Variants in DNAH7 observed in about 807,000 individuals in gnomAD.
DNAH7 encodes dynein axonemal heavy chain 7.
A neutral mutation model predicts 444.6 loss-of-function variants in DNAH7; 397 were observed. The ratio of observed to expected loss-of-function variants is 0.89; its 90% confidence interval spans 0.82 to 0.97. The LOEUF (loss-of-function observed/expected upper bound fraction) is 0.97, where lower values mean the gene tolerates loss of function less well. Among genes scored for constraint, DNAH7 ranks in the 50% least tolerant of loss-of-function variants. The pLI, the probability that DNAH7 is intolerant of heterozygous loss-of-function variation, is 0.00. For synonymous variants in DNAH7, 1,636 were observed against 1,624.4 expected (o/e 1.01, Z -0.17); for missense variants, 4,902 against 4,800.8 (o/e 1.02, Z -0.62).
At chr2:195,903,172 G>C (rs989689774) in intron 27 of DNAH7, 1 of 152,072 alleles carries the variant, frequency 6.6e-6, no homozygotes, top group South Asian at 2.1e-4. Flanking sequence ...TGGAGGAAGG[G>C]GGGTGGTACA....
At chr2:195,930,180 T>C (rs1453732754) in intron 21 of DNAH7, among the ~76,000 whole-genome samples, 1 of 152,072 alleles carries the variant, frequency 6.6e-6, no homozygotes, top group Non-Finnish European at 1.5e-5. Context: ...ACGTCTCTAC[T>C]AAAAATACAA....
chr2:195,803,900 T>C (rs1300153882), intron 54 of DNAH7, among the ~76,000 whole-genome samples: 2 of 152,204 alleles, frequency 1.3e-5, no homozygotes, highest in East Asian at 1.9e-4. Flanking sequence ...AATAAAACAC[T>C]ATAAACTATT....
At chr2:195,885,584 A>T (rs563795382) in intron 34 of DNAH7, among the ~76,000 whole-genome samples, 1 of 152,212 alleles carries the variant, frequency 6.6e-6, no homozygotes, top group Non-Finnish European at 1.5e-5. Context: ...ACCACAGTAG[A>T]AGTGCTACCA....
intron 15 of DNAH7, among the ~76,000 whole-genome samples, chr2:195,976,153 T>C (rs960064018): frequency 6.6e-6 from 1 of 151,788 alleles, no homozygotes; most frequent in African/African-American, 2.4e-5. Flanking sequence ...GCCTTGGCTG[T>C]TAGGAGGAAT....
chr2:195,778,626 A>AAG (rs1695192599), intron 58 of DNAH7, among the ~76,000 whole-genome samples: 1 of 45,338 alleles, frequency 2.2e-5, no homozygotes, highest in Non-Finnish European at 3.9e-5. Flanking sequence ...CTGAAAAAAA[A>AAG]AAAAAATAAA....
At chr2:195,994,010 G>A (rs1693527687) in intron 12 of DNAH7, among the ~76,000 whole-genome samples, 1 of 152,230 alleles carries the variant, frequency 6.6e-6, no homozygotes, top group African/African-American at 2.4e-5. Context: ...TTATCCAGGA[G>A]ATCATGGAGC....
intron 5 of DNAH7, among the ~76,000 whole-genome samples, chr2:196,045,161 A>AAGG (rs1419962335): frequency 2.7e-5 from 4 of 145,948 alleles, no homozygotes; most frequent in Non-Finnish European, 3.0e-5. Context: ...GGAGGAGAAG[A>AAGG]AGGAGGAGGA....
Position 195,747,669 on chromosome 2 carries a change from G to A in DNAH7, c.11764+6668C>T, listed in dbSNP as rs571264424. 2.7e-3 allele frequency among the ~76,000 whole-genome samples: 406 copies of A among 152,278 alleles called. 2 individuals carry two copies. The highest frequency in any genetic ancestry group is 9.4e-3 in the African/African-American group (392 of 41,550). On this transcript the variant is annotated intron_variant, in intron 63 of 64. Coordinates refer to ENST00000312428, the MANE Select transcript of DNAH7 (RefSeq NM_018897.3). ...AGTGGGCTTCATCCCTGGGATGCAA[G>A]GCTGGTTCCATATATGCAAATCAAT...
intron 46 of DNAH7, among the ~76,000 whole-genome samples, chr2:195,850,504 C>T (rs914407965): frequency 1.3e-5 from 2 of 152,142 alleles, no homozygotes; most frequent in South Asian, 4.1e-4. Flanking sequence ...ACAGGCATTG[C>T]AGTTGAGAGC....
chr2:196,017,215 A>G (rs186622050), intron 9 of DNAH7, among the ~76,000 whole-genome samples: 3 of 152,250 alleles, frequency 2.0e-5, no homozygotes, highest in Admixed American at 6.5e-5. Flanking sequence ...AGGTTTCACC[A>G]TCTTCGGCAG....
chr2:195,806,559 G>T (rs907048185), intron 54 of DNAH7, among the ~76,000 whole-genome samples, 181 bp downstream of exon 54: 1 of 152,132 alleles, frequency 6.6e-6, no homozygotes, highest in East Asian at 1.9e-4. Flanking sequence ...TACTGATTTA[G>T]GATGGTTTTA....
chr2:196,002,137 T>C (rs1694073861), intron 10 of DNAH7, among the ~76,000 whole-genome samples: 1 of 152,184 alleles, frequency 6.6e-6, no homozygotes, highest in Admixed American at 6.5e-5. Context: ...TTTAAAGAAA[T>C]ATAGAACTAA....
At chr2:195,957,172 G>A in intron 19 of DNAH7, 89 bp downstream of exon 19, 1 of 1,127,030 alleles carries the variant, frequency 8.9e-7, no homozygotes, top group Non-Finnish European at 1.2e-6. Context: ...TGGCTTATTG[G>A]AAACAATAAT....
At chr2:196,051,056 AC>A in intron 3 of DNAH7, 130 bp downstream of exon 3, 2 of 768,126 alleles carry the variant, frequency 2.6e-6, no homozygotes, top group Non-Finnish European at 4.5e-6. Context: ...TAATATGCAC[AC>A]CTCATAGAAT....
intron 47 of DNAH7, among the ~76,000 whole-genome samples, chr2:195,836,634 A>G (rs1698389004): frequency 1.3e-5 from 2 of 152,202 alleles, no homozygotes; most frequent in South Asian, 4.1e-4. Context: ...AGAGTAATGT[A>G]ACATCTTAGA....
chr2:195,938,383 A>ACACACACAC (rs1689200137), intron 19 of DNAH7, among the ~76,000 whole-genome samples: 4 of 118,144 alleles, frequency 3.4e-5, no homozygotes, highest in East Asian at 6.7e-4. Flanking sequence ...CACACACACA[A>ACACACACAC]ACACACACAG....
chr2:195,845,356 C>T (rs1157303643), intron 46 of DNAH7, among the ~76,000 whole-genome samples, 191 bp from the exon 47 acceptor site: 1 of 152,094 alleles, frequency 6.6e-6, no homozygotes, highest in Non-Finnish European at 1.5e-5. Flanking sequence ...GCTATGTACT[C>T]AACATATTCA....
intron 2 of DNAH7, among the ~76,000 whole-genome samples, chr2:196,055,398 A>G (rs1697741231): frequency 6.6e-6 from 1 of 152,218 alleles, no homozygotes; most frequent in African/African-American, 2.4e-5. Flanking sequence ...ATAACTAAAG[A>G]TAAGAAAAGA....
chr2:195,959,808 T>C (rs888315367), intron 18 of DNAH7, among the ~76,000 whole-genome samples: 2 of 152,234 alleles, frequency 1.3e-5, no homozygotes, highest in Admixed American at 6.5e-5. Flanking sequence ...CGCATGCATA[T>C]GAGTAGAAAT....
Sources: gnomAD v4.1 joint callset for allele counts (sites outside exome capture counted in the v4.1 genomes callset) on GRCh38, gnomAD v4.1.1 for gene constraint, MANE v1.5 for transcripts, NCBI Gene and HGNC (gene_info 2026-07-23, HGNC 2026-07-21) for gene names.